LRP10: variants seen among roughly 807,000 people sequenced by gnomAD.
The protein encoded by LRP10 is low-density lipoprotein receptor-related protein 10.
A neutral mutation model predicts 58.5 loss-of-function variants in LRP10; 42 were observed. The observed-to-expected ratio is 0.72, with a 90% CI of 0.56 to 0.93. The LOEUF is 0.93. Among genes scored for constraint, LRP10 ranks in the 40% least tolerant of loss-of-function variants. The pLI is 0.00. For missense variants in LRP10, 872 were observed against 940.1 expected (o/e 0.93, Z 0.95); for synonymous variants, 377 against 388.5 (o/e 0.97, Z 0.35).
Position 22,872,318 on chromosome 14 carries a change from C to A in LRP10, c.15C>A (p.Thr5=). 6.6e-7 allele frequency: 1 copy of A among 1,525,894 alleles called. No homozygotes were observed. Among genetic ancestry groups the A allele is most frequent in the South Asian group, 1.2e-5 (1 of 86,662 alleles). 94.5% of individuals were successfully genotyped at this position (1,525,894 alleles called of 1,614,324 possible). A position where few individuals can be genotyped will look rare whatever the true frequency, so the allele number is the denominator to read the frequency against. Residue 5 remains threonine (T), a synonymous_variant, in exon 1 of 7, where the codon ACC becomes ACA. Coordinates refer to ENST00000359591, the MANE Select transcript of LRP10 (RefSeq NM_014045.5). ...GACAGCCCAGGATGCTGTTGGCCAC[C>A]CTCCTCCTCCTCCTCCTTGGTAAGA... The part of the protein sequence containing the change: MLLA[T]LLLLLLGGAL...
chr14:22,881,613 A>G lies in LRP10; in HGVS notation c.*4086A>G, dbSNP rs1009969023. 6.6e-6 allele frequency: 1 copy of G among 152,222 alleles called. No individual in the cohort carries two copies. The highest frequency in any genetic ancestry group is 1.5e-5 in the Non-Finnish European group (1 of 68,050). The allele number at this position is 152,222 out of a possible 1,614,324, so 9.4% of individuals were successfully genotyped here. ...TGTGTGTGGTGTTGCCTCCCTGACT[A>G]CAAGGGGTCACTTGCTACTCTAAAT... On this transcript the variant is annotated 3_prime_UTR_variant, in exon 7 of 7. Coordinates refer to ENST00000359591, the MANE Select transcript of LRP10 (RefSeq NM_014045.5).
chr14:22,872,234 C>A lies in LRP10; in HGVS notation c.-70C>A, dbSNP rs770855995. The A allele has an allele frequency of 6.4e-7, 1 of 1,564,336 alleles. No homozygotes were observed. Among genetic ancestry groups the A allele is most frequent in the Non-Finnish European group, 8.8e-7 (1 of 1,134,780 alleles). ...CACCAGGGAGCCTGGGCGCCCGGGG[C>A]TCCGCCGCGACCCCATCGGGTAGAC... On this transcript the variant is annotated 5_prime_UTR_variant, in exon 1 of 7. Coordinates refer to ENST00000359591, the MANE Select transcript of LRP10 (RefSeq NM_014045.5).
intron 5 of LRP10, 131 bp downstream of exon 5, chr14:22,876,503 G>A (rs2040008035): frequency 7.5e-7 from 1 of 1,336,318 alleles, no homozygotes; most frequent in Non-Finnish European, 1.0e-6. Context: ...GTTGTGTCCT[G>A]TAAGGGACAG....
At position 22,873,614 on chromosome 14, in the gene LRP10, T is replaced by A. The variant is rs545159442; in HGVS notation, c.215+168T>A. 4.8e-3 allele frequency among the ~76,000 whole-genome samples: 726 copies of A among 149,792 alleles called. 3 individuals are homozygous for A. The highest frequency in any genetic ancestry group is 0.017 in the African/African-American group (689 of 40,528). ...ATCTCAGCTCACTGCAACCACCACCTCCCGGGTTCAAGTGATTCTCCTGTC... is the reference window on the plus strand; with the variant it reads ...ATCTCAGCTCACTGCAACCACCACCACCCGGGTTCAAGTGATTCTCCTGTC... On this transcript the variant is annotated intron_variant, in intron 3 of 6. Coordinates refer to ENST00000359591, the MANE Select transcript of LRP10 (RefSeq NM_014045.5).
chr14:22,872,736 AG>A lies in LRP10; in HGVS notation c.35del. The A allele has an allele frequency of 6.2e-7, 1 of 1,613,970 alleles. No homozygotes were observed. Among genetic ancestry groups the A allele is most frequent in the Non-Finnish European group, 8.5e-7 (1 of 1,179,954 alleles). On this transcript the variant is annotated splice_acceptor_variant, in intron 1 of 6. Coordinates refer to ENST00000359591, the MANE Select transcript of LRP10 (RefSeq NM_014045.5). LOFTEE classifies it high-confidence loss of function. ...TCCTGCCCTTTCTCGTTCCTCCTCT[AG>A]GAGGCGCTCTGGCCCATCCAGACCG...
chr14:22,875,844 A>G lies in LRP10; in HGVS notation c.896A>G (p.Asn299Ser), dbSNP rs556418686. 19 of 1,614,026 alleles carry G rather than the reference A, an allele frequency of 1.2e-5. No homozygotes were observed. The highest frequency in any genetic ancestry group is 3.3e-5 in the South Asian group (3 of 91,088). ...TVAWSNGRGF[N>S]ATYHVRGYCL... Reference sequence around the variant, plus strand: ...GCTTGGAGCAATGGTCGTGGCTTCAATGCCACCTACCATGTGCGGGGCTAT... The same window carrying G: ...GCTTGGAGCAATGGTCGTGGCTTCAGTGCCACCTACCATGTGCGGGGCTAT... Residue 299 changes from asparagine (N) to serine (S), a missense_variant, in exon 5 of 7, where the codon AAT becomes AGT. Physicochemically the swap from Asn to Ser is conservative, Grantham distance 46. Transcript: ENST00000359591.
chr14:22,875,604 C>T lies in LRP10; in HGVS notation c.656C>T (p.Ser219Phe). The T allele has an allele frequency of 5.6e-6, 9 of 1,614,200 alleles. No homozygotes were observed. Among genetic ancestry groups the T allele is most frequent in the Non-Finnish European group, 7.6e-6 (9 of 1,180,050 alleles). The change falls in exon 5 of 7, where the codon TCC (serine) becomes TTC (phenylalanine). Residue 219 changes from serine to phenylalanine, a missense_variant. Physicochemically the swap from Ser to Phe is radical, Grantham distance 155. Coordinates refer to ENST00000359591, the MANE Select transcript of LRP10 (RefSeq NM_014045.5). Reference protein sequence around the residue: ...THLASVSHPQSCHWLLDPHDG... With the variant: ...THLASVSHPQFCHWLLDPHDG... ...CTAGCCTCAGTCTCCCACCCCCAGT[C>T]CTGCCATTGGCTGCTGGACCCCCAT...
rs1408214841 is a variant in LRP10 at position 22,875,203 on chromosome 14, A to G, written c.364A>G (p.Arg122Gly). The G allele has an allele frequency of 1.2e-6, 2 of 1,610,764 alleles. No homozygotes were observed. Among genetic ancestry groups the G allele is most frequent in the Non-Finnish European group, 1.7e-6 (2 of 1,178,102 alleles). ...VTITYSYAGA[R>G]APMGQGFLLS... ...CATCACTTACAGCTATGCTGGGGCC[A>G]GAGCACCCATGGGCCAGGGCTTCCT... Residue 122 changes from arginine (R) to glycine (G), a missense_variant, in exon 4 of 7, where the codon AGA becomes GGA. Transcript: ENST00000359591.
chr14:22,876,744 C>A lies in LRP10; in HGVS notation c.1480C>A (p.Pro494Thr). 1 of 1,614,036 alleles carries A rather than the reference C, an allele frequency of 6.2e-7. No homozygotes were observed. Among genetic ancestry groups the A allele is most frequent in the Non-Finnish European group, 8.5e-7 (1 of 1,179,938 alleles). The part of the protein sequence containing the change: ...EAEIVQQQAP[P>T]SYGQLIAQGA... ...TGAGATTGTGCAGCAGCAGGCACCC[C>A]CTTCCTACGGGCAGCTCATTGCCCA... Residue 494 changes from proline to threonine, a missense_variant, in exon 6 of 7, where the codon CCT becomes ACT. Physicochemically the swap from Pro to Thr is conservative, Grantham distance 38. Coordinates refer to ENST00000359591, the MANE Select transcript of LRP10 (RefSeq NM_014045.5).
Position 22,876,388 on chromosome 14 carries a change from G to T in LRP10, c.1424+16G>T. On this transcript the variant is annotated intron_variant, in intron 5 of 6. Transcript: ENST00000359591. ...AGGAGTACAGGTCAGTGGGAGTGGG[G>T]CTGGCAGTAGAAGAGTAGACCCTGA... 6.2e-7 allele frequency: 1 copy of T among 1,610,516 alleles called. No homozygotes were observed. Among genetic ancestry groups the T allele is most frequent in the Non-Finnish European group, 8.5e-7 (1 of 1,177,736 alleles).
chr14:22,876,407 A>G (rs758601047), intron 5 of LRP10, 35 bp downstream of exon 5: 5 of 1,604,032 alleles, frequency 3.1e-6, no homozygotes, highest in South Asian at 1.1e-5. Context: ...AGAAGAGTAG[A>G]CCCTGAGGGT....
At position 22,872,191 on chromosome 14, in the gene LRP10, GC is replaced by G; in HGVS notation, c.-107del. On this transcript the variant is annotated 5_prime_UTR_variant, in exon 1 of 7. The change abolishes the stop of an existing upstream ORF in the 5' untranslated region. Transcript: ENST00000359591. ...GTACGGGTCGAGCCCGGGCCATGGAGCCCCCCTGGGGAGGCGGCACCAGGGA... is the reference window on the plus strand; with the variant it reads ...GTACGGGTCGAGCCCGGGCCATGGAGCCCCCTGGGGAGGCGGCACCAGGGA... 9.0e-7 allele frequency: 1 copy of G among 1,107,094 alleles called. No individual in the cohort carries two copies. The highest frequency in any genetic ancestry group is 1.4e-6 in the Non-Finnish European group (1 of 722,018). 68.6% of individuals were successfully genotyped at this position (1,107,094 alleles called of 1,614,324 possible).
At chr14:22,872,913 A>G in intron 2 of LRP10, 131 bp downstream of exon 2, 1 of 908,996 alleles carries the variant, frequency 1.1e-6, no homozygotes, top group Non-Finnish European at 1.7e-6. Flanking sequence ...CTTTATTTAT[A>G]GATAAGGAAG....
At chr14:22,873,612 C>T (rs2039977526) in intron 3 of LRP10, among the ~76,000 whole-genome samples, 166 bp downstream of exon 3, 1 of 151,962 alleles carries the variant, frequency 6.6e-6, no homozygotes, top group South Asian at 2.1e-4. Context: ...GCAACCACCA[C>T]CTCCCGGGTT....
In LRP10 at chr14:22,875,832, G is replaced by A. The variant is rs139145963; in HGVS notation, c.884G>A (p.Gly295Asp). The change falls in exon 5 of 7, where the codon GGT (glycine) becomes GAT (aspartate). Residue 295 changes from glycine to aspartate, a missense_variant. By Grantham distance (94) the Gly-to-Asp change is moderately conservative (BLOSUM62 -1). Transcript: ENST00000359591. ...TACCACACAGTTGCTTGGAGCAATG[G>A]TCGTGGCTTCAATGCCACCTACCAT... ...VSYHTVAWSN[G>D]RGFNATYHVR... 5.6e-6 allele frequency: 9 copies of A among 1,613,996 alleles called. No individual in the cohort carries two copies. The Admixed American group carries it at 8.3e-5, about 15-fold the overall frequency.
At position 22,879,182 on chromosome 14, in the gene LRP10, A is replaced by C; in HGVS notation, c.*1655A>C. 1 of 456,448 alleles carries C rather than the reference A, an allele frequency of 2.2e-6. No individual in the cohort carries two copies. The highest frequency in any genetic ancestry group is 4.4e-6 in the Non-Finnish European group (1 of 226,902). The allele number at this position is 456,448 out of a possible 1,614,324, so 28.3% of individuals were successfully genotyped here. Reference sequence around the variant, plus strand: ...CCTCAAACCCAGCACTAATTGCACAATTTTCCTCTCTTCTAGTGAGCAAGA... The same window carrying C: ...CCTCAAACCCAGCACTAATTGCACACTTTTCCTCTCTTCTAGTGAGCAAGA... On this transcript the variant is annotated 3_prime_UTR_variant, in exon 7 of 7. Transcript: ENST00000359591.
chr14:22,875,563 T>C lies in LRP10; in HGVS notation c.615T>C (p.Ser205=), dbSNP rs768219931. 10 of 1,614,046 alleles carry C rather than the reference T, an allele frequency of 6.2e-6. No homozygotes were observed. In the Admixed American group the frequency reaches 1.5e-4, roughly 24 times the overall value. ...TLEDFYGVFS[S]PGYTHLASVS... ...AGGACTTCTATGGGGTCTTCTCCTC[T>C]CCTGGATATACACACCTAGCCTCAG... is the stretch of plus-strand genomic sequence containing the variant. Residue 205 remains serine, a synonymous_variant, in exon 5 of 7, where the codon TCT becomes TCC. Transcript: ENST00000359591.
In LRP10 at chr14:22,879,951, A is replaced by G. The variant is rs1288761731; in HGVS notation, c.*2424A>G. On this transcript the variant is annotated 3_prime_UTR_variant, in exon 7 of 7. Transcript: ENST00000359591. ...AACCTAAAATTCCATCAAGATAGAT[A>G]CCAATATCCAAGGTGCTTGGTCTTA... 2 of 152,190 alleles carry G rather than the reference A, an allele frequency of 1.3e-5. No individual in the cohort carries two copies. The highest frequency in any genetic ancestry group is 1.3e-4 in the Admixed American group (2 of 15,272). The allele number at this position is 152,190 out of a possible 1,614,324, so 9.4% of individuals were successfully genotyped here.
At position 22,872,174 on chromosome 14, in the gene LRP10, C is replaced by T; in HGVS notation, c.-130C>T. 3.2e-6 allele frequency: 3 copies of T among 931,892 alleles called. No homozygotes were observed. Among genetic ancestry groups the T allele is most frequent in the South Asian group, 1.3e-5 (1 of 75,576 alleles). The allele number at this position is 931,892 out of a possible 1,614,324, so 57.7% of individuals were successfully genotyped here. A position where few individuals can be genotyped will look rare whatever the true frequency, so the allele number is the denominator to read the frequency against. On this transcript the variant is annotated 5_prime_UTR_variant, in exon 1 of 7. Coordinates refer to ENST00000359591, the MANE Select transcript of LRP10 (RefSeq NM_014045.5). ...CAGCCCTGGCATCCAGAGTACGGGT[C>T]GAGCCCGGGCCATGGAGCCCCCCTG...
Sources: allele counts gnomAD v4.1 joint callset (sites outside exome capture counted in the v4.1 genomes callset), GRCh38; gene constraint gnomAD v4.1.1; transcripts MANE v1.5; gene names NCBI Gene and HGNC (gene_info 2026-07-23, HGNC 2026-07-21).